PRUNE2: variants seen among roughly 807,000 people sequenced by gnomAD.
PRUNE2 encodes the protein prune homolog 2 with BCH domain, also known as protein prune homolog 2.
In PRUNE2, 164 loss-of-function variants were observed where a neutral mutation model predicts 252.0. The observed-to-expected ratio is 0.65, with a 90% CI of 0.57 to 0.74. The LOEUF is 0.74. Ranked by LOEUF, PRUNE2 falls within the 30% of genes least tolerant of loss-of-function variation. The probability of loss-of-function intolerance (pLI) is 0.00; values close to 1 mark genes in which losing one functional copy is unlikely to be tolerated. For synonymous variants in PRUNE2, 1,292 were observed against 1,350.2 expected (o/e 0.96, Z 0.94); for missense variants, 3,495 against 3,711.0 (o/e 0.94, Z 1.51).
At chr9:76,853,514 T>C (rs2060079574) in intron 2 of PRUNE2, among the ~76,000 whole-genome samples, 1 of 152,214 alleles carries the variant, frequency 6.6e-6, no homozygotes, top group Non-Finnish European at 1.5e-5. Flanking sequence ...AGGGGCATCA[T>C]ATGCTTCACA....
chr9:76,850,790 G>A, intron 2 of PRUNE2, 125 bp from the exon 3 acceptor site: 2 of 669,522 alleles, frequency 3.0e-6, no homozygotes, highest in Non-Finnish European at 2.6e-6. Flanking sequence ...TAAACCACTT[G>A]GCATTCATAA....
chr9:76,675,091 G>A (rs1416204677), intron 9 of PRUNE2, among the ~76,000 whole-genome samples: 1 of 93,566 alleles, frequency 1.1e-5, no homozygotes, highest in African/African-American at 3.2e-5. Flanking sequence ...AAGAGCTTCT[G>A]CACAGCAAAA....
intron 1 of PRUNE2, among the ~76,000 whole-genome samples, chr9:76,856,839 C>T (rs996251860): frequency 1.3e-5 from 2 of 151,900 alleles, no homozygotes; most frequent in East Asian, 1.9e-4. Flanking sequence ...CTGCAACCTC[C>T]GCCTCCCAGG....
chr9:76,862,386 CA>C (rs2060601977), intron 1 of PRUNE2: 1 of 152,196 alleles, frequency 6.6e-6, no homozygotes, highest in African/African-American at 2.4e-5. Context: ...CAGTCTTTTT[CA>C]TTTAGCCTCC....
intron 6 of PRUNE2, among the ~76,000 whole-genome samples, chr9:76,776,933 C>G (rs1278116567): frequency 3.5e-5 from 5 of 143,030 alleles, no homozygotes; most frequent in Non-Finnish European, 4.5e-5. Flanking sequence ...CACACACACA[C>G]ACACACACAC....
At chr9:76,716,812 C>T (rs2047189681) in intron 6 of PRUNE2, among the ~76,000 whole-genome samples, 1 of 151,908 alleles carries the variant, frequency 6.6e-6, no homozygotes, top group South Asian at 2.1e-4. Flanking sequence ...CTCCCCTCGC[C>T]CCCCAACCCC....
At chr9:76,744,635 G>A (rs981658019) in intron 6 of PRUNE2, among the ~76,000 whole-genome samples, 1 of 152,124 alleles carries the variant, frequency 6.6e-6, no homozygotes, top group Non-Finnish European at 1.5e-5. Context: ...ATCACTTGCT[G>A]AGTTCCCACA....
rs188428366 is a variant in PRUNE2 at position 76,716,816 on chromosome 9, C to A, written c.757-3095G>T. On this transcript the variant is annotated intron_variant, in intron 6 of 18. Transcript: ENST00000376718. ...ATCTAGATTCCCTCCCCTCGCCCCC[C>A]AACCCCCCAACAGGCCCCAGTGTGT... Among the ~76,000 whole-genome samples the A allele has an allele frequency of 6.3e-3, 957 of 151,942 alleles. 5 individuals are homozygous for A. Among genetic ancestry groups the A allele is most frequent in the African/African-American group, 0.022 (918 of 41,306 alleles).
chr9:76,642,144 T>C (rs758297263), intron 12 of PRUNE2, among the ~76,000 whole-genome samples: 1 of 152,194 alleles, frequency 6.6e-6, no homozygotes, highest in Non-Finnish European at 1.5e-5. Context: ...GACCCCGTAC[T>C]GTTGGCTGAG....
chr9:76,837,914 G>A (rs919167057), intron 4 of PRUNE2, among the ~76,000 whole-genome samples: 1 of 151,420 alleles, frequency 6.6e-6, no homozygotes, highest in Non-Finnish European at 1.5e-5. Flanking sequence ...TGGGACTACA[G>A]GCGCCTGCCA....
intron 6 of PRUNE2, among the ~76,000 whole-genome samples, chr9:76,822,030 G>A (rs548970980): frequency 7.9e-5 from 12 of 152,164 alleles, no homozygotes; most frequent in Admixed American, 1.3e-4. Flanking sequence ...GGGGAACAGA[G>A]AAAGAAAACC....
chr9:76,714,531 G>A (rs1320385854), intron 6 of PRUNE2, among the ~76,000 whole-genome samples: 2 of 140,634 alleles, frequency 1.4e-5, no homozygotes, highest in African/African-American at 5.0e-5. Context: ...AGTAGCTGGG[G>A]CTACAGGTGT....
intron 9 of PRUNE2, among the ~76,000 whole-genome samples, chr9:76,669,595 C>G (rs979470346): frequency 4.6e-5 from 7 of 152,216 alleles, no homozygotes; most frequent in Admixed American, 1.3e-4. Context: ...GCTGGGGTTA[C>G]AGGCATGAGC....
intron 6 of PRUNE2, chr9:76,819,239 GA>G: frequency 6.6e-6 from 1 of 152,176 alleles, no homozygotes; most frequent in East Asian, 1.9e-4. Context: ...AACAGGGCAA[GA>G]CGCTGTCTCA....
chr9:76,904,396 A>G (rs185216811), intron 1 of PRUNE2, among the ~76,000 whole-genome samples: 1 of 152,330 alleles, frequency 6.6e-6, no homozygotes, highest in African/African-American at 2.4e-5. Flanking sequence ...CACAGTCTAA[A>G]TGTTTATTGT....
rs144699444 is a variant in PRUNE2 at position 76,826,536 on chromosome 9, C to T, written c.661+44G>A. ...GATGATGCTCCATGCCACAAACCAT[C>T]CCTACTCGGGAGGGACAAGAGAGCT... On this transcript the variant is annotated intron_variant, in intron 5 of 18. Coordinates refer to ENST00000376718, the MANE Select transcript of PRUNE2 (RefSeq NM_015225.3). 892 of 1,435,192 alleles carry T rather than the reference C, an allele frequency of 6.2e-4. 8 individuals are homozygous for T. In the African/African-American group the frequency reaches 0.012, roughly 19 times the overall value. 88.9% of individuals were successfully genotyped at this position (1,435,192 alleles called of 1,614,324 possible).
chr9:76,805,637 T>C (rs1589319064), intron 6 of PRUNE2, among the ~76,000 whole-genome samples: 1 of 152,140 alleles, frequency 6.6e-6, no homozygotes, highest in East Asian at 1.9e-4. Context: ...TGGTGTGCTA[T>C]TGTACAGCAG....
At position 76,705,438 on chromosome 9, in the gene PRUNE2, G is replaced by A; in HGVS notation, c.6836C>T (p.Ala2279Val). The change falls in exon 8 of 19, where the codon GCC becomes GTC. Residue 2279 changes from alanine to valine, a missense_variant. Coordinates refer to ENST00000376718, the MANE Select transcript of PRUNE2 (RefSeq NM_015225.3). The part of the protein sequence containing the change: ...GDPHLSTENP[A>V]LVPDALLASD... Reference sequence around the variant, plus strand: ...GGCTAGCAAAGCATCAGGAACCAAGGCAGGATTCTCTGTGGATAAATGTGG... The same window carrying A: ...GGCTAGCAAAGCATCAGGAACCAAGACAGGATTCTCTGTGGATAAATGTGG... The A allele has an allele frequency of 6.8e-6, 11 of 1,613,982 alleles. No homozygotes were observed. Among genetic ancestry groups the A allele is most frequent in the Non-Finnish European group, 5.9e-6 (7 of 1,179,854 alleles).
chr9:76,894,717 C>CAAAAAAAAAAAAAAAAAA (rs113594017), intron 1 of PRUNE2, among the ~76,000 whole-genome samples: 1 of 120,672 alleles, frequency 8.3e-6, no homozygotes, highest in African/African-American at 3.5e-5. Flanking sequence ...TTTTCTGCAG[C>CAAAAAAAAAAAAAAAAAA]AAAAAAAAAA....
Sources: allele counts gnomAD v4.1 joint callset (sites outside exome capture counted in the v4.1 genomes callset), GRCh38; gene constraint gnomAD v4.1.1; transcripts MANE v1.5; gene names NCBI Gene and HGNC (gene_info 2026-07-23, HGNC 2026-07-21).